MTUS1: variants seen among roughly 807,000 people sequenced by gnomAD.
MTUS1 encodes the protein microtubule associated scaffold protein 1, also known as microtubule-associated tumor suppressor 1.
A neutral mutation model predicts 120.8 loss-of-function variants in MTUS1; 109 were observed. That is an observed-to-expected ratio of 0.90 (90% CI 0.77 to 1.06). MTUS1 has a LOEUF of 1.06. MTUS1 is among the 50% of genes least tolerant of loss of function. The pLI, the probability that MTUS1 is intolerant of heterozygous loss-of-function variation, is 0.00. For synonymous variants in MTUS1, 737 were observed against 550.5 expected, an observed-to-expected ratio of 1.34 and a Z score of -4.74; for missense variants, 2,210 against 1,486.3, an observed-to-expected ratio of 1.49 and a Z score of -8.01.
chr8:17,756,613 C>T (rs2048627358), intron 1 of MTUS1, among the ~76,000 whole-genome samples: 2 of 151,192 alleles, frequency 1.3e-5, no homozygotes, highest in African/African-American at 4.9e-5. Flanking sequence ...ATGTGAGTTA[C>T]CTTATGTTAT....
At chr8:17,749,513 T>C (rs2048021246) in intron 2 of MTUS1, among the ~76,000 whole-genome samples, 1 of 151,556 alleles carries the variant, frequency 6.6e-6, no homozygotes, top group Non-Finnish European at 1.5e-5. Context: ...ACAAAAAAAT[T>C]AGCTGGGTGT....
At chr8:17,702,374 CTTTT>C (rs1258518870) in intron 6 of MTUS1, among the ~76,000 whole-genome samples, 1 of 152,072 alleles carries the variant, frequency 6.6e-6, no homozygotes, top group Non-Finnish European at 1.5e-5. Context: ...TTTTCCCTTT[CTTTT>C]TGTTTAGTTT....
At chr8:17,652,526 A>C (rs1807236604) in intron 12 of MTUS1, among the ~76,000 whole-genome samples, 1 of 152,090 alleles carries the variant, frequency 6.6e-6, no homozygotes, top group African/African-American at 2.4e-5. Context: ...TAATGGGTCC[A>C]GGGTTCCTTT....
At chr8:17,646,309 CG>C (rs1805781166) in intron 14 of MTUS1, among the ~76,000 whole-genome samples, 170 bp from the exon 15 acceptor site, 2 of 152,096 alleles carry the variant, frequency 1.3e-5, no homozygotes, top group African/African-American at 2.4e-5. Context: ...AAACACAGGC[CG>C]GGCGTGGTGG....
At chr8:17,692,926 C>G (rs114735005) in intron 6 of MTUS1, among the ~76,000 whole-genome samples, 24 of 152,174 alleles carry the variant, frequency 1.6e-4, no homozygotes, top group African/African-American at 5.3e-4. Context: ...TCCCTCGATA[C>G]GTACGTACAC....
chr8:17,730,048 C>G (rs533926342), intron 3 of MTUS1, among the ~76,000 whole-genome samples: 2 of 148,560 alleles, frequency 1.3e-5, no homozygotes, highest in African/African-American at 5.0e-5. Flanking sequence ...CACGGAGAAA[C>G]TGGAACCCTT....
At position 17,755,016 on chromosome 8, in the gene MTUS1, A is replaced by G. The variant is rs113749634; in HGVS notation, c.792T>C (p.Cys264=). Reference sequence around the variant, plus strand: ...TGGTGACCTTTCCTGAAGAACATGCACACTGATTTCCAATATCTGAAACAA... The same window carrying G: ...TGGTGACCTTTCCTGAAGAACATGCGCACTGATTTCCAATATCTGAAACAA... The part of the protein sequence containing the change: ...EVFVSDIGNQ[C]ACSSGKVTSE... The change falls in exon 2 of 15, where the codon TGT becomes TGC. Residue 264 remains cysteine, a synonymous_variant. Transcript: ENST00000693296. The G allele has an allele frequency of 8.2e-5, 132 of 1,614,072 alleles. 1 individual carries two copies. The African/African-American group carries it at 1.5e-3, about 18-fold the overall frequency.
Position 17,731,280 on chromosome 8 carries a change from C to G in MTUS1, c.2288-7447G>C, listed in dbSNP as rs143466079. ...TCGAGGTAGATCGTCTAGGTTCAAACCCGGCGCCACCTCACACTGCCTAGT... is the reference window on the plus strand; with the variant it reads ...TCGAGGTAGATCGTCTAGGTTCAAAGCCGGCGCCACCTCACACTGCCTAGT... On this transcript the variant is annotated intron_variant, in intron 3 of 14. Coordinates refer to ENST00000693296, the MANE Select transcript of MTUS1 (RefSeq NM_001363059.2). Among the ~76,000 whole-genome samples the G allele has an allele frequency of 2.3e-3, 350 of 152,256 alleles. 1 individual carries two copies. The highest frequency in any genetic ancestry group is 0.01 in the Middle Eastern group (3 of 294).
intron 4 of MTUS1, among the ~76,000 whole-genome samples, chr8:17,717,061 C>A (rs1822477776): frequency 6.6e-6 from 1 of 152,218 alleles, no homozygotes; most frequent in Non-Finnish European, 1.5e-5. Context: ...CCTATTCCAA[C>A]TGCTACAATA....
intron 1 of MTUS1, among the ~76,000 whole-genome samples, chr8:17,790,905 T>G (rs766560739): frequency 1.3e-5 from 2 of 152,054 alleles, no homozygotes; most frequent in Non-Finnish European, 1.5e-5. Flanking sequence ...GAGAATCGCT[T>G]GAATCCGGGA....
chr8:17,646,399 G>GC (rs1805798365), intron 14 of MTUS1, among the ~76,000 whole-genome samples: 1 of 151,956 alleles, frequency 6.6e-6, no homozygotes, highest in Non-Finnish European at 1.5e-5. Flanking sequence ...ATCAACTTGG[G>GC]CAACATGGCG....
chr8:17,773,940 A>G (rs1005268806), intron 1 of MTUS1, among the ~76,000 whole-genome samples: 1 of 152,110 alleles, frequency 6.6e-6, no homozygotes, highest in Non-Finnish European at 1.5e-5. Context: ...TAAAAATAAG[A>G]CTAGGAGGCA....
chr8:17,671,667 C>A (rs1380303202), intron 8 of MTUS1, among the ~76,000 whole-genome samples: 1 of 152,236 alleles, frequency 6.6e-6, no homozygotes, highest in Non-Finnish European at 1.5e-5. Context: ...CAGACTCTAC[C>A]TGGGTTTCAG....
chr8:17,787,324 CAT>C (rs1028750961), intron 1 of MTUS1, among the ~76,000 whole-genome samples: 1 of 152,212 alleles, frequency 6.6e-6, no homozygotes, highest in African/African-American at 2.4e-5. Context: ...AGACAGGTCA[CAT>C]GACAGTCACA....
In MTUS1 at chr8:17,753,731, C is replaced by T. The variant is rs1358294594; in HGVS notation, c.2077G>A (p.Gly693Ser). Reference sequence around the variant, plus strand: ...ATATTACTTACCAAAAACAGAGAACCATATTCAAAAGTCTCATTCATAATC... The same window carrying T: ...ATATTACTTACCAAAAACAGAGAACTATATTCAAAAGTCTCATTCATAATC... Reference protein sequence around the residue: ...QEIMNETFEYGSLFLGSASKT... With the variant: ...QEIMNETFEYSSLFLGSASKT... Residue 693 changes from glycine (G) to serine (S), a missense_variant, in exon 2 of 15, where the codon GGT becomes AGT. By Grantham distance (56) the Gly-to-Ser change is moderately conservative (BLOSUM62 0). Coordinates refer to ENST00000693296, the MANE Select transcript of MTUS1 (RefSeq NM_001363059.2). The T allele has an allele frequency of 6.3e-7, 1 of 1,599,768 alleles. No homozygotes were observed. Among genetic ancestry groups the T allele is most frequent in the South Asian group, 1.1e-5 (1 of 87,500 alleles).
chr8:17,786,319 C>T (rs1162391378), intron 1 of MTUS1, among the ~76,000 whole-genome samples: 1 of 152,122 alleles, frequency 6.6e-6, no homozygotes, highest in Admixed American at 6.5e-5. Context: ...AAGGCAGTGC[C>T]TGGCAGCAGA....
At chr8:17,685,696 GA>G (rs11307078) in intron 6 of MTUS1, among the ~76,000 whole-genome samples, 80,239 of 151,798 alleles carry the variant, frequency 0.53, 22,202 homozygotes, top group Middle Eastern at 0.66. Flanking sequence ...TAAAAACAGG[GA>G]AAAAAAGGCT....
intron 5 of MTUS1, among the ~76,000 whole-genome samples, chr8:17,715,132 C>T (rs1041054611): frequency 6.6e-6 from 1 of 151,786 alleles, no homozygotes; most frequent in Non-Finnish European, 1.5e-5. Flanking sequence ...TCTCAAACTC[C>T]TGACCTCAAG....
intron 1 of MTUS1, among the ~76,000 whole-genome samples, chr8:17,792,709 C>CA (rs1189871642): frequency 1.3e-5 from 2 of 152,174 alleles, no homozygotes; most frequent in Admixed American, 1.3e-4. Flanking sequence ...ACCAAAAATA[C>CA]AAAAATTATC....
Sources: gnomAD v4.1 joint callset for allele counts (sites outside exome capture counted in the v4.1 genomes callset) on GRCh38, gnomAD v4.1.1 for gene constraint, MANE v1.5 for transcripts, NCBI Gene and HGNC (gene_info 2026-07-23, HGNC 2026-07-21) for gene names.